The following IMPG1 variants were observed in gnomAD, a reference collection of about 807,000 sequenced individuals.
IMPG1 encodes the protein interphotoreceptor matrix proteoglycan 1.
In IMPG1, 85 loss-of-function variants were observed where a neutral mutation model predicts 92.0. The ratio of observed to expected loss-of-function variants is 0.92; its 90% CI spans 0.78 to 1.11. The LOEUF is 1.11. IMPG1 is among the 50% of genes least tolerant of loss of function. The pLI, the probability that IMPG1 is intolerant of heterozygous loss-of-function variation, is 0.00. For missense variants in IMPG1, 1,022 were observed against 956.0 expected (o/e 1.07, Z -0.91); for synonymous variants, 367 against 334.1 (o/e 1.10, Z -1.08).
At chr6:76,017,281 G>T (rs969270428) in intron 7 of IMPG1, among the ~76,000 whole-genome samples, 1 of 151,796 alleles carries the variant, frequency 6.6e-6, no homozygotes, top group Non-Finnish European at 1.5e-5. Context: ...GCAGGGAATT[G>T]AAGAGATTTG....
intron 1 of IMPG1, among the ~76,000 whole-genome samples, chr6:76,046,010 CT>C (rs1308636076): frequency 6.6e-6 from 1 of 151,894 alleles, no homozygotes; most frequent in Non-Finnish European, 1.5e-5. Context: ...GTGTAACCTA[CT>C]TGATGATGAA....
At chr6:75,924,551 T>TTATA (rs1554226473) in intron 15 of IMPG1, among the ~76,000 whole-genome samples, 2 of 23,450 alleles carry the variant, frequency 8.5e-5, no homozygotes, top group African/African-American at 3.0e-4. Context: ...TATAATATAA[T>TTATA]TAATATAATT....
At chr6:76,033,367 C>T (rs77341587) in intron 4 of IMPG1, among the ~76,000 whole-genome samples, 5,712 of 152,276 alleles carry the variant, frequency 0.038, 163 homozygotes, top group Non-Finnish European at 0.055. Flanking sequence ...CACACAGACA[C>T]GGAGGTGGGC....
chr6:75,923,746 G>A lies in IMPG1; in HGVS notation c.2244-40C>T, dbSNP rs1001319130. On this transcript the variant is annotated intron_variant, in intron 15 of 16. Transcript: ENST00000369950. ...AAAAACATAGTATCTTGTTTCTTGGGCTTATCAACATTAATAGTAACTACA... is the reference window on the plus strand; with the variant it reads ...AAAAACATAGTATCTTGTTTCTTGGACTTATCAACATTAATAGTAACTACA... 5 of 1,210,576 alleles carry A rather than the reference G, an allele frequency of 4.1e-6. No individual in the cohort carries two copies. In the Admixed American group the frequency reaches 5.6e-5, roughly 14 times the overall value. 75.0% of individuals were successfully genotyped at this position (1,210,576 alleles called of 1,614,324 possible).
intron 12 of IMPG1, among the ~76,000 whole-genome samples, chr6:75,970,502 C>A (rs1782393948): frequency 6.6e-6 from 1 of 152,128 alleles, no homozygotes; most frequent in Non-Finnish European, 1.5e-5. Flanking sequence ...CAGTCCCAAT[C>A]ATACCTTGTT....
At chr6:75,939,216 TAC>T (rs1781798844) in intron 14 of IMPG1, among the ~76,000 whole-genome samples, 1 of 152,230 alleles carries the variant, frequency 6.6e-6, no homozygotes, top group African/African-American at 2.4e-5. Flanking sequence ...TTTAAAATTA[TAC>T]TTTAAGTTTT....
At chr6:76,035,820 GC>G (rs1279647093) in intron 2 of IMPG1, among the ~76,000 whole-genome samples, 1 of 152,120 alleles carries the variant, frequency 6.6e-6, no homozygotes, top group African/African-American at 2.4e-5. Context: ...ACACCAAGGA[GC>G]AATTTGCAGT....
intron 1 of IMPG1, among the ~76,000 whole-genome samples, chr6:76,067,543 A>T (rs2127598983): frequency 6.6e-6 from 1 of 152,226 alleles, no homozygotes; most frequent in African/African-American, 2.4e-5. Context: ...AATCAGTAAT[A>T]AAAAAATCTC....
chr6:76,039,707 G>A, intron 2 of IMPG1, among the ~76,000 whole-genome samples: 1 of 152,144 alleles, frequency 6.6e-6, no homozygotes, highest in East Asian at 1.9e-4. Flanking sequence ...GGGAAATAGA[G>A]GGAGAGACAC....
intron 14 of IMPG1, among the ~76,000 whole-genome samples, chr6:75,938,786 C>G (rs1183896061): frequency 6.6e-6 from 1 of 151,504 alleles, no homozygotes; most frequent in Non-Finnish European, 1.5e-5. Context: ...GCACTCCAGC[C>G]TGGACGACAA....
At chr6:75,924,629 T>G (rs1410312261) in intron 15 of IMPG1, among the ~76,000 whole-genome samples, 1 of 22,290 alleles carries the variant, frequency 4.5e-5, no homozygotes, top group Non-Finnish European at 7.1e-5. Context: ...TATAATAAAT[T>G]ATATATTATA....
chr6:76,022,036 T>G, intron 6 of IMPG1, 80 bp downstream of exon 6: 1 of 737,164 alleles, frequency 1.4e-6, no homozygotes, highest in Non-Finnish European at 2.4e-6. Flanking sequence ...AAAGGATGGT[T>G]TATCCATTCT....
At chr6:75,980,552 A>G (rs993391322) in intron 12 of IMPG1, among the ~76,000 whole-genome samples, 4 of 152,220 alleles carry the variant, frequency 2.6e-5, no homozygotes, top group African/African-American at 7.2e-5. Flanking sequence ...TAAAGCAGGC[A>G]GAAGAAGGTG....
intron 1 of IMPG1, among the ~76,000 whole-genome samples, chr6:76,061,181 G>GT (rs1484426753): frequency 6.6e-6 from 1 of 152,150 alleles, no homozygotes; most frequent in Non-Finnish European, 1.5e-5. Flanking sequence ...GGCAGCAAGT[G>GT]TTTTTTATTA....
At chr6:75,929,922 T>G in intron 15 of IMPG1, among the ~76,000 whole-genome samples, 1 of 152,206 alleles carries the variant, frequency 6.6e-6, no homozygotes, top group Non-Finnish European at 1.5e-5. Context: ...CTCCACTCAA[T>G]TGTCTTGGCA....
intron 15 of IMPG1, among the ~76,000 whole-genome samples, chr6:75,925,908 A>T (rs1334420204): frequency 6.6e-6 from 1 of 152,042 alleles, no homozygotes; most frequent in East Asian, 1.9e-4. Context: ...TCAGGTGATC[A>T]CCCACCTCGG....
chr6:76,052,016 T>G (rs1037453028), intron 1 of IMPG1, among the ~76,000 whole-genome samples: 1 of 151,428 alleles, frequency 6.6e-6, no homozygotes, highest in Non-Finnish European at 1.5e-5. Context: ...AAGAACTAAA[T>G]CTATTGGTGG....
intron 12 of IMPG1, among the ~76,000 whole-genome samples, chr6:75,991,259 C>T (rs1013772632): frequency 6.6e-6 from 1 of 152,072 alleles, no homozygotes; most frequent in Admixed American, 6.6e-5. Flanking sequence ...GGCATGGTGG[C>T]ACACTCCTGC....
chr6:75,964,130 G>A (rs750185984), intron 12 of IMPG1, among the ~76,000 whole-genome samples: 1 of 152,144 alleles, frequency 6.6e-6, no homozygotes, highest in African/African-American at 2.4e-5. Context: ...TGCATGCTCC[G>A]TAAGGACCTA....
Sources: gnomAD v4.1 joint callset for allele counts (sites outside exome capture counted in the v4.1 genomes callset) on GRCh38, gnomAD v4.1.1 for gene constraint, MANE v1.5 for transcripts, NCBI Gene and HGNC (gene_info 2026-07-23, HGNC 2026-07-21) for gene names.